The following DOK6 variants were observed in gnomAD, a reference collection of about 807,000 sequenced individuals.
DOK6 encodes the protein downstream of tyrosine kinase 6.
In DOK6, 22 loss-of-function variants were observed where a neutral mutation model predicts 44.0. The ratio of observed to expected loss-of-function variants is 0.50; its 90% CI spans 0.36 to 0.71. DOK6 has a LOEUF of 0.71. Among genes scored for constraint, DOK6 ranks in the 30% least tolerant of loss-of-function variants. DOK6 has a pLI of 0.00. For synonymous variants in DOK6, 166 were observed against 145.5 expected (o/e 1.14, Z -1.01); for missense variants, 340 against 416.4 (o/e 0.82, Z 1.60).
chr18:69,481,327 A>C (rs544962201), intron 1 of DOK6, among the ~76,000 whole-genome samples: 5 of 151,900 alleles, frequency 3.3e-5, no homozygotes, highest in Admixed American at 3.3e-4. Context: ...GTACTCATTA[A>C]CTCATCATTT....
intron 1 of DOK6, among the ~76,000 whole-genome samples, chr18:69,557,972 A>C (rs562961708): frequency 2.0e-5 from 3 of 152,124 alleles, no homozygotes; most frequent in Non-Finnish European, 4.4e-5. Flanking sequence ...TCATTAATTT[A>C]TGTCCCATTC....
intron 1 of DOK6, among the ~76,000 whole-genome samples, chr18:69,544,527 A>C (rs908297217): frequency 4.0e-5 from 6 of 151,596 alleles, no homozygotes; most frequent in Non-Finnish European, 7.4e-5. Flanking sequence ...TACTGTGGTC[A>C]TGAATGTCAC....
At chr18:69,521,446 T>TAA (rs74175371) in intron 1 of DOK6, among the ~76,000 whole-genome samples, 49,364 of 146,616 alleles carry the variant, frequency 0.34, 8,535 homozygotes, top group South Asian at 0.44. Context: ...TACAGTCATT[T>TAA]AAAAAAAAAA....
chr18:69,478,731 A>T (rs1349164007), intron 1 of DOK6, among the ~76,000 whole-genome samples: 2 of 152,192 alleles, frequency 1.3e-5, no homozygotes, highest in Admixed American at 6.5e-5. Flanking sequence ...TAAAGTTAAC[A>T]TCTTCCATTA....
chr18:69,829,984 T>A (rs757780232), intron 7 of DOK6, among the ~76,000 whole-genome samples: 1 of 152,118 alleles, frequency 6.6e-6, no homozygotes, highest in Non-Finnish European at 1.5e-5. Context: ...TTAAAACTAA[T>A]TTTTTTGACA....
chr18:69,443,712 C>G (rs1979199527), intron 1 of DOK6, among the ~76,000 whole-genome samples: 1 of 152,132 alleles, frequency 6.6e-6, no homozygotes, highest in Non-Finnish European at 1.5e-5. Flanking sequence ...ACTAAATGCT[C>G]TATCCACAAG....
At chr18:69,537,338 G>A (rs1982151793) in intron 1 of DOK6, among the ~76,000 whole-genome samples, 2 of 152,192 alleles carry the variant, frequency 1.3e-5, no homozygotes, top group South Asian at 2.1e-4. Flanking sequence ...CGCGGGCTAT[G>A]TCAGGTGCTT....
At chr18:69,622,472 T>TGTG (rs1270226510) in intron 3 of DOK6, among the ~76,000 whole-genome samples, 1 of 152,234 alleles carries the variant, frequency 6.6e-6, no homozygotes, top group Non-Finnish European at 1.5e-5. Flanking sequence ...CTAGAAATTC[T>TGTG]GTGAAATAAG....
At chr18:69,483,279 C>T (rs1372772) in intron 1 of DOK6, among the ~76,000 whole-genome samples, 34,123 of 151,852 alleles carry the variant, frequency 0.22, 4,187 homozygotes, top group Middle Eastern at 0.27. Flanking sequence ...AGCAAAGTCT[C>T]AGGATACAAA....
chr18:69,648,438 C>T (rs898870409), intron 3 of DOK6, among the ~76,000 whole-genome samples: 6 of 152,028 alleles, frequency 3.9e-5, no homozygotes, highest in African/African-American at 1.4e-4. Context: ...TACCTCTGAA[C>T]CTAAAATATT....
chr18:69,436,357 C>A (rs528864658), intron 1 of DOK6, among the ~76,000 whole-genome samples: 8 of 152,134 alleles, frequency 5.3e-5, no homozygotes, highest in South Asian at 2.1e-4. Context: ...TATTATGTTC[C>A]CCTCCCTGTG....
chr18:69,754,556 A>G (rs1010355155), intron 6 of DOK6, among the ~76,000 whole-genome samples: 95 of 152,270 alleles, frequency 6.2e-4, no homozygotes, highest in African/African-American at 2.2e-3. Flanking sequence ...AAAATACCAC[A>G]AACTGGATGG....
chr18:69,559,939 T>A (rs1982787293), intron 1 of DOK6, among the ~76,000 whole-genome samples: 1 of 152,144 alleles, frequency 6.6e-6, no homozygotes, highest in Non-Finnish European at 1.5e-5. Context: ...TCAACCCTCA[T>A]GACCCCATGT....
At position 69,567,363 on chromosome 18, in the gene DOK6, G is replaced by A. The variant is rs1983008713; in HGVS notation, c.174+2769G>A. Among the ~76,000 whole-genome samples, 3 of 152,156 alleles carry A rather than the reference G, an allele frequency of 2.0e-5. No individual in the cohort carries two copies. The South Asian group carries it at 6.2e-4, about 32-fold the overall frequency. On this transcript the variant is annotated intron_variant, in intron 2 of 7. Transcript: ENST00000382713. ...ACAGAATTAATGGATAACAGCTATA[G>A]ATATGAGTAGGCTAAGACTCAACTG...
At chr18:69,752,863 C>T (rs1287534918) in intron 6 of DOK6, among the ~76,000 whole-genome samples, 1 of 152,130 alleles carries the variant, frequency 6.6e-6, no homozygotes, top group East Asian at 1.9e-4. Flanking sequence ...GATGGTGCTG[C>T]ATATTACCAC....
At chr18:69,756,929 G>C (rs1327260702) in intron 6 of DOK6, among the ~76,000 whole-genome samples, 1 of 152,144 alleles carries the variant, frequency 6.6e-6, no homozygotes, top group Non-Finnish European at 1.5e-5. Flanking sequence ...CCTCAGGTTG[G>C]GTCAGAGACA....
intron 1 of DOK6, among the ~76,000 whole-genome samples, chr18:69,493,934 C>T (rs1308060764): frequency 4.6e-5 from 7 of 152,108 alleles, no homozygotes; most frequent in African/African-American, 1.7e-4. Context: ...CAAATTAACA[C>T]ATAATCATGC....
chr18:69,680,981 A>C (rs1986030910), intron 4 of DOK6, among the ~76,000 whole-genome samples: 2 of 152,250 alleles, frequency 1.3e-5, no homozygotes, highest in Middle Eastern at 3.2e-3. Context: ...TTTAAAATAA[A>C]ATCATTAACT....
At chr18:69,676,142 C>T (rs1394124224) in intron 3 of DOK6, among the ~76,000 whole-genome samples, 5 of 152,142 alleles carry the variant, frequency 3.3e-5, no homozygotes, top group African/African-American at 4.8e-5. Context: ...GTATGCCTTA[C>T]ATCAGTGAGG....
Sources: allele counts gnomAD v4.1 joint callset (sites outside exome capture counted in the v4.1 genomes callset), GRCh38; gene constraint gnomAD v4.1.1; transcripts MANE v1.5; gene names NCBI Gene and HGNC (gene_info 2026-07-23, HGNC 2026-07-21).